The following JAM3 variants were observed in gnomAD, a reference collection of about 807,000 sequenced individuals.
The protein encoded by JAM3 is junctional adhesion molecule 3.
In JAM3, 31 loss-of-function variants were observed where a neutral mutation model predicts 39.4. The ratio of observed to expected loss-of-function variants is 0.79; its 90% CI spans 0.59 to 1.06. The LOEUF is 1.06. JAM3 is among the 50% of genes least tolerant of loss of function. The probability of loss-of-function intolerance (pLI) is 0.00; values close to 1 mark genes in which losing one functional copy is unlikely to be tolerated. For missense variants in JAM3, 455 were observed against 391.4 expected (o/e 1.16, Z -1.37); for synonymous variants, 182 against 148.7 (o/e 1.22, Z -1.63).
chr11:134,138,193 C>T (rs566871997), intron 1 of JAM3, among the ~76,000 whole-genome samples: 2 of 127,194 alleles, frequency 1.6e-5, no homozygotes, highest in South Asian at 5.0e-4. Context: ...AGTCGTGGTG[C>T]TCATACTGAG....
chr11:134,101,572 T>A (rs1355484333), intron 1 of JAM3, among the ~76,000 whole-genome samples: 1 of 152,206 alleles, frequency 6.6e-6, no homozygotes, highest in Non-Finnish European at 1.5e-5. Flanking sequence ...ACTATTGCTC[T>A]AATACCAAAA....
intron 1 of JAM3, among the ~76,000 whole-genome samples, chr11:134,134,741 G>C (rs1434995148): frequency 6.6e-6 from 1 of 152,144 alleles, no homozygotes; most frequent in Non-Finnish European, 1.5e-5. Flanking sequence ...TTGTGGTTTA[G>C]ATTTAATTTC....
intron 1 of JAM3, among the ~76,000 whole-genome samples, chr11:134,103,529 AAATGGGCT>A (rs1306643490): frequency 6.6e-5 from 10 of 152,248 alleles, no homozygotes; most frequent in Non-Finnish European, 1.2e-4. Context: ...CCTTAAATGT[AAATGGGCT>A]AAATGCTCCA....
chr11:134,088,323 C>T (rs1027988723), intron 1 of JAM3, among the ~76,000 whole-genome samples: 2 of 152,214 alleles, frequency 1.3e-5, no homozygotes, highest in African/African-American at 4.8e-5. Context: ...ACCCCCGAAG[C>T]TCTTATCATA....
At chr11:134,143,592 C>T (rs1282237041) in intron 3 of JAM3, among the ~76,000 whole-genome samples, 1 of 152,156 alleles carries the variant, frequency 6.6e-6, no homozygotes, top group Non-Finnish European at 1.5e-5. Context: ...ATTCTTTATT[C>T]TGGATGCTAG....
intron 1 of JAM3, among the ~76,000 whole-genome samples, chr11:134,116,524 TC>T (rs1353956576): frequency 8.5e-5 from 13 of 152,230 alleles, no homozygotes; most frequent in Non-Finnish European, 1.5e-4. Context: ...CACTGGAAGC[TC>T]TTTCAGGTGG....
At position 134,117,841 on chromosome 11, in the gene JAM3, T is replaced by C. The variant is rs75175381; in HGVS notation, c.77-22010T>C. 9.8e-3 allele frequency among the ~76,000 whole-genome samples: 1,500 copies of C among 152,312 alleles called. 20 individuals carry two copies. Among genetic ancestry groups the C allele is most frequent in the African/African-American group, 0.034 (1,406 of 41,554 alleles). On this transcript the variant is annotated intron_variant, in intron 1 of 8. Transcript: ENST00000299106. ...GAAGGGTGATCACTCCTGCACTGTC[T>C]TCAAGATAACAGTGAAGGCTAGTTC...
At chr11:134,101,560 A>C (rs914849164) in intron 1 of JAM3, among the ~76,000 whole-genome samples, 2 of 152,202 alleles carry the variant, frequency 1.3e-5, no homozygotes, top group African/African-American at 4.8e-5. Flanking sequence ...CCTGTTGATA[A>C]TACTATTGCT....
Position 134,094,446 on chromosome 11 carries a change from C to T in JAM3, c.76+25287C>T, listed in dbSNP as rs555808775. Reference sequence around the variant, plus strand: ...TTCCTGAGGAAAGCTTCTCCTGAACCCTCCTTATTCATCATGTTCCACCTT... The same window carrying T: ...TTCCTGAGGAAAGCTTCTCCTGAACTCTCCTTATTCATCATGTTCCACCTT... On this transcript the variant is annotated intron_variant, in intron 1 of 8. Transcript: ENST00000299106. Among the ~76,000 whole-genome samples, 15 of 132,476 alleles carry T rather than the reference C, an allele frequency of 1.1e-4. 1 individual carries two copies. The highest frequency in any genetic ancestry group is 3.6e-4 in the African/African-American group (12 of 33,338). The allele number at this position is 132,476 out of a possible 152,430, so 86.9% of individuals were successfully genotyped here. A position where few individuals can be genotyped will look rare whatever the true frequency, so the allele number is the denominator to read the frequency against.
At chr11:134,087,418 C>T (rs1273567807) in intron 1 of JAM3, among the ~76,000 whole-genome samples, 1 of 152,194 alleles carries the variant, frequency 6.6e-6, no homozygotes, top group African/African-American at 2.4e-5. Flanking sequence ...CCTCCCACCT[C>T]TCTCTTGTGG....
intron 1 of JAM3, among the ~76,000 whole-genome samples, chr11:134,114,233 T>C (rs658450): frequency 0.4 from 60,098 of 152,056 alleles, 12,923 homozygotes; most frequent in African/African-American, 0.58. Flanking sequence ...CTTTTGTTGC[T>C]ATTGCTTTTG....
In JAM3 at chr11:134,143,633, C is replaced by T. The variant is rs1425054227; in HGVS notation, c.257-608C>T. Among the ~76,000 whole-genome samples the T allele has an allele frequency of 2.6e-5, 4 of 152,148 alleles. No individual in the cohort carries two copies. In the South Asian group the frequency reaches 8.3e-4, roughly 32 times the overall value. Reference sequence around the variant, plus strand: ...ATGTACGATTTGCAGGTATTTCTCCCATTGTGTGGATTGTTTTCACCTGCC... The same window carrying T: ...ATGTACGATTTGCAGGTATTTCTCCTATTGTGTGGATTGTTTTCACCTGCC... On this transcript the variant is annotated intron_variant, in intron 3 of 8. Transcript: ENST00000299106.
intron 1 of JAM3, among the ~76,000 whole-genome samples, chr11:134,116,437 A>C (rs567613684): frequency 6.6e-6 from 1 of 152,172 alleles, no homozygotes; most frequent in Non-Finnish European, 1.5e-5. Flanking sequence ...ATTAGTGTGG[A>C]TTTATGGGTA....
At chr11:134,125,084 C>G (rs1248749517) in intron 1 of JAM3, among the ~76,000 whole-genome samples, 1 of 152,206 alleles carries the variant, frequency 6.6e-6, no homozygotes, top group African/African-American at 2.4e-5. Flanking sequence ...CGCCGCTGCC[C>G]TGTGGTGTCG....
chr11:134,142,548 C>G (rs966067055), intron 3 of JAM3, among the ~76,000 whole-genome samples: 1 of 152,168 alleles, frequency 6.6e-6, no homozygotes, highest in Non-Finnish European at 1.5e-5. Flanking sequence ...TTCCTAACTC[C>G]TTCCCCTATT....
intron 1 of JAM3, among the ~76,000 whole-genome samples, chr11:134,097,966 T>C (rs1942012421): frequency 1.3e-5 from 2 of 152,120 alleles, no homozygotes; most frequent in South Asian, 4.1e-4. Context: ...CTTATAAAAT[T>C]GTGAGGACTA....
chr11:134,100,493 CCTT>C (rs967542095), intron 1 of JAM3, among the ~76,000 whole-genome samples: 3 of 152,160 alleles, frequency 2.0e-5, no homozygotes, highest in South Asian at 2.1e-4. Context: ...ATTAGACTCT[CCTT>C]CTCTTTAAGA....
At position 134,149,270 on chromosome 11, in the gene JAM3, C is replaced by G. The variant is rs960991063; in HGVS notation, c.*89C>G. 4.0e-6 allele frequency: 6 copies of G among 1,486,930 alleles called. No individual in the cohort carries two copies. The highest frequency in any genetic ancestry group is 4.5e-5 in the East Asian group (2 of 43,980). The allele number at this position is 1,486,930 out of a possible 1,614,324, so 92.1% of individuals were successfully genotyped here. A position where few individuals can be genotyped will look rare whatever the true frequency, so the allele number is the denominator to read the frequency against. On this transcript the variant is annotated 3_prime_UTR_variant, in exon 9 of 9. Transcript: ENST00000299106. ...TCAAGGCAGCGAGAGCTGATGCACT[C>G]GGACAGAGCTAGACACTCATTCAGA...
intron 1 of JAM3, among the ~76,000 whole-genome samples, chr11:134,131,769 A>G (rs1488821769): frequency 6.6e-6 from 1 of 152,252 alleles, no homozygotes; most frequent in Non-Finnish European, 1.5e-5. Flanking sequence ...AAATGAAACA[A>G]ATTTTGGAAC....
Sources: allele counts gnomAD v4.1 joint callset (sites outside exome capture counted in the v4.1 genomes callset), GRCh38; gene constraint gnomAD v4.1.1; transcripts MANE v1.5; gene names NCBI Gene and HGNC (gene_info 2026-07-23, HGNC 2026-07-21).